Variants in KIAA0319L observed in about 807,000 individuals in gnomAD.
KIAA0319L encodes the protein dyslexia-associated protein KIAA0319-like protein.
Under a neutral mutation model 120.1 loss-of-function variants are expected in KIAA0319L, and 55 were observed. That is an observed-to-expected ratio of 0.46 (90% CI 0.37 to 0.57). The LOEUF is 0.57. KIAA0319L is among the 20% of genes least tolerant of loss of function. The pLI, the probability that KIAA0319L is intolerant of heterozygous loss-of-function variation, is 0.00. For missense variants in KIAA0319L, 1,049 were observed against 1,255.3 expected (o/e 0.84, Z 2.48); for synonymous variants, 398 against 471.9 (o/e 0.84, Z 2.03).
intron 19 of KIAA0319L, among the ~76,000 whole-genome samples, chr1:35,441,662 G>A (rs932705759): frequency 1.3e-5 from 2 of 151,942 alleles, no homozygotes; most frequent in Non-Finnish European, 2.9e-5. Context: ...TCTTAAAAAT[G>A]ATATTACCTA....
intron 7 of KIAA0319L, among the ~76,000 whole-genome samples, chr1:35,465,604 T>TGG (rs1246957870): frequency 1.3e-5 from 2 of 152,128 alleles, no homozygotes; most frequent in African/African-American, 2.4e-5. Context: ...GTTAAGACTT[T>TGG]GGGGGACTGT....
chr1:35,522,115 G>GTA (rs1446699210), intron 2 of KIAA0319L, among the ~76,000 whole-genome samples: 1 of 152,146 alleles, frequency 6.6e-6, no homozygotes, highest in Non-Finnish European at 1.5e-5. Flanking sequence ...AGAGCAGTAT[G>GTA]TATAGCATGC....
At chr1:35,538,356 C>T (rs558286821) in intron 2 of KIAA0319L, among the ~76,000 whole-genome samples, 7 of 151,900 alleles carry the variant, frequency 4.6e-5, no homozygotes, top group Admixed American at 3.9e-4. Context: ...TTTGGGAGGC[C>T]GAGGCTGGCG....
At chr1:35,442,698 T>C (rs532548240) in intron 18 of KIAA0319L, among the ~76,000 whole-genome samples, 1 of 152,370 alleles carries the variant, frequency 6.6e-6, no homozygotes, top group Non-Finnish European at 1.5e-5. Context: ...GAGTTAAGCC[T>C]GGTTCTTCTT....
At chr1:35,442,161 C>T in intron 19 of KIAA0319L, 85 bp downstream of exon 19, 1 of 1,009,172 alleles carries the variant, frequency 9.9e-7, no homozygotes, top group Non-Finnish European at 1.6e-6. Flanking sequence ...CCCAGTCCTT[C>T]CACGTGGAAG....
At position 35,507,146 on chromosome 1, in the gene KIAA0319L, A is replaced by C; in HGVS notation, c.143-11T>G. ...TGCTCTCACTGGCATCTAAAAACAA[A>C]GAATGAAAACATTTTCAGATGAAAT... On this transcript the variant is annotated splice_polypyrimidine_tract_variant and intron_variant, in intron 2 of 20. Coordinates refer to ENST00000325722, the MANE Select transcript of KIAA0319L (RefSeq NM_024874.5). 6.6e-7 allele frequency: 1 copy of C among 1,515,204 alleles called. No individual in the cohort carries two copies. The highest frequency in any genetic ancestry group is 8.8e-7 in the Non-Finnish European group (1 of 1,133,288). The allele number at this position is 1,515,204 out of a possible 1,614,324, so 93.9% of individuals were successfully genotyped here. A position where few individuals can be genotyped will look rare whatever the true frequency, so the allele number is the denominator to read the frequency against.
chr1:35,550,475 T>C (rs138202683), intron 2 of KIAA0319L, among the ~76,000 whole-genome samples: 13 of 152,310 alleles, frequency 8.5e-5, no homozygotes, highest in African/African-American at 2.6e-4. Context: ...GTAGGTTGTT[T>C]TCCCCCTTAT....
chr1:35,466,481 G>A (rs1345525678), intron 7 of KIAA0319L, 127 bp downstream of exon 7: 2 of 647,716 alleles, frequency 3.1e-6, no homozygotes, highest in Non-Finnish European at 5.4e-6. Flanking sequence ...TCACCACATT[G>A]AACTAGGAAT....
intron 2 of KIAA0319L, among the ~76,000 whole-genome samples, chr1:35,520,036 G>A (rs1290917359): frequency 2.0e-5 from 3 of 152,004 alleles, no homozygotes; most frequent in African/African-American, 7.2e-5. Flanking sequence ...GTCATTCTCC[G>A]AGTTTCTACC....
intron 6 of KIAA0319L, among the ~76,000 whole-genome samples, chr1:35,466,917 C>T (rs1643302212): frequency 6.6e-6 from 1 of 152,112 alleles, no homozygotes; most frequent in Admixed American, 6.6e-5. Context: ...TATGCCAAAA[C>T]CCCATCTCTA....
intron 20 of KIAA0319L, among the ~76,000 whole-genome samples, chr1:35,438,189 C>T (rs1640934841): frequency 6.6e-6 from 1 of 152,178 alleles, no homozygotes; most frequent in South Asian, 2.1e-4. Context: ...CAATTTGGGC[C>T]TTGTCAATCT....
chr1:35,549,064 T>C (rs565223807), intron 2 of KIAA0319L, among the ~76,000 whole-genome samples: 1 of 152,134 alleles, frequency 6.6e-6, no homozygotes, highest in East Asian at 1.9e-4. Context: ...TTTTTTTTTT[T>C]TTAAGAGACA....
chr1:35,455,905 A>T, intron 10 of KIAA0319L, 108 bp downstream of exon 10: 1 of 833,182 alleles, frequency 1.2e-6, no homozygotes, highest in Non-Finnish European at 1.9e-6. Flanking sequence ...CTACCACGTT[A>T]ATCAAAGGCC....
intron 15 of KIAA0319L, among the ~76,000 whole-genome samples, chr1:35,449,648 T>C (rs1570636488): frequency 6.6e-6 from 1 of 152,318 alleles, no homozygotes; most frequent in East Asian, 1.9e-4. Context: ...TGTTTCTCCA[T>C]CTGAGATGAA....
chr1:35,496,053 T>TA (rs762646358), intron 3 of KIAA0319L, among the ~76,000 whole-genome samples: 2 of 152,196 alleles, frequency 1.3e-5, no homozygotes, highest in African/African-American at 4.8e-5. Flanking sequence ...TTTGATACAT[T>TA]AATCACGGAA....
At position 35,455,578 on chromosome 1, in the gene KIAA0319L, T is replaced by A. The variant is rs896283409; in HGVS notation, c.1656+435A>T. On this transcript the variant is annotated intron_variant, in intron 10 of 20. Transcript: ENST00000325722. Reference sequence around the variant, plus strand: ...AATACTAAACATTTAAGATAATTTTTTTTTTTTTTTTTTTTTTTTTGAGAT... The same window carrying A: ...AATACTAAACATTTAAGATAATTTTATTTTTTTTTTTTTTTTTTTTGAGAT... Among the ~76,000 whole-genome samples the A allele has an allele frequency of 4.7e-3, 663 of 139,606 alleles. 6 individuals carry two copies. The highest frequency in any genetic ancestry group is 0.017 in the African/African-American group (635 of 37,374). The allele number at this position is 139,606 out of a possible 152,430, so 91.6% of individuals were successfully genotyped here.
At chr1:35,555,338 C>T (rs746549329) in intron 1 of KIAA0319L, among the ~76,000 whole-genome samples, 2 of 152,172 alleles carry the variant, frequency 1.3e-5, no homozygotes, top group Non-Finnish European at 2.9e-5. Context: ...ATCCAGCAAA[C>T]GACACAGGCT....
rs181413976 is a variant in KIAA0319L, at chr1:35,460,170, T to C, written c.1427+135A>G. On this transcript the variant is annotated intron_variant, in intron 9 of 20. Coordinates refer to ENST00000325722, the MANE Select transcript of KIAA0319L (RefSeq NM_024874.5). ...ATCACCATAGGGCTCAGAGAACCAA[T>C]GGAACCAAAAGCTGTATTATCAACC... The C allele has an allele frequency of 2.6e-4, 186 of 727,274 alleles. No individual in the cohort carries two copies. The African/African-American group carries it at 3.1e-3, about 12-fold the overall frequency. The allele number at this position is 727,274 out of a possible 1,614,324, so 45.1% of individuals were successfully genotyped here. A position where few individuals can be genotyped will look rare whatever the true frequency, so the allele number is the denominator to read the frequency against.
intron 2 of KIAA0319L, among the ~76,000 whole-genome samples, chr1:35,519,218 G>C (rs1375360629): frequency 6.6e-6 from 1 of 152,038 alleles, no homozygotes; most frequent in Non-Finnish European, 1.5e-5. Flanking sequence ...AATCGAAACA[G>C]GTAGGAGGTA....
Sources: gnomAD v4.1 joint callset for allele counts (sites outside exome capture counted in the v4.1 genomes callset) on GRCh38, gnomAD v4.1.1 for gene constraint, MANE v1.5 for transcripts, NCBI Gene and HGNC (gene_info 2026-07-23, HGNC 2026-07-21) for gene names.